FMNL2: variants seen among roughly 807,000 people sequenced by gnomAD.
FMNL2 encodes the protein formin like 2, also known as formin-like protein 2.
Under a neutral mutation model 130.2 loss-of-function variants are expected in FMNL2, and 51 were observed. That is an observed-to-expected ratio of 0.39 (90% confidence interval 0.31 to 0.49). FMNL2 has a LOEUF of 0.49. Ranked by LOEUF, FMNL2 falls within the 20% of genes least tolerant of loss-of-function variation. FMNL2 has a pLI of 0.85. For synonymous variants in FMNL2, 465 were observed against 467.1 expected, an observed-to-expected ratio of 1.00 and a Z score of 0.06; for missense variants, 977 against 1,316.2, an observed-to-expected ratio of 0.74 and a Z score of 3.99.
At chr2:152,429,991 C>T (rs1687413311) in intron 1 of FMNL2, among the ~76,000 whole-genome samples, 1 of 152,128 alleles carries the variant, frequency 6.6e-6, no homozygotes, top group Admixed American at 6.6e-5. Context: ...ACCACCATGG[C>T]ATACGTCGTT....
intron 1 of FMNL2, among the ~76,000 whole-genome samples, chr2:152,518,482 T>C (rs1369844166): frequency 1.3e-5 from 2 of 152,214 alleles, no homozygotes; most frequent in East Asian, 1.9e-4. Context: ...TCCAGAATCA[T>C]GTATCTACCT....
chr2:152,451,167 G>T (rs1415259328), intron 1 of FMNL2, among the ~76,000 whole-genome samples: 6 of 151,948 alleles, frequency 3.9e-5, no homozygotes, highest in Non-Finnish European at 7.4e-5. Flanking sequence ...TGTTGTTGTT[G>T]AGATGGAGTC....
At chr2:152,628,172 T>G in intron 17 of FMNL2, 127 bp from the exon 18 acceptor site, 4 of 778,072 alleles carry the variant, frequency 5.1e-6, no homozygotes, top group African/African-American at 1.7e-5. Flanking sequence ...CTTAGACTCG[T>G]TGATTTGGTG....
chr2:152,479,102 G>T (rs1187212314), intron 1 of FMNL2, among the ~76,000 whole-genome samples: 1 of 152,076 alleles, frequency 6.6e-6, no homozygotes, highest in Non-Finnish European at 1.5e-5. Context: ...AAGTTTTCAA[G>T]AAACAGTTTT....
chr2:152,630,812 A>T (rs1265189675), intron 20 of FMNL2, among the ~76,000 whole-genome samples: 2 of 152,170 alleles, frequency 1.3e-5, no homozygotes, highest in African/African-American at 4.8e-5. Flanking sequence ...CTGGCTGTAC[A>T]TCCCCATTTC....
intron 1 of FMNL2, among the ~76,000 whole-genome samples, chr2:152,342,972 A>G (rs1313478603): frequency 6.6e-6 from 1 of 152,256 alleles, no homozygotes; most frequent in African/African-American, 2.4e-5. Context: ...CTGGTAGGCA[A>G]TTATCACAAA....
At chr2:152,577,631 A>G (rs1696548927) in intron 7 of FMNL2, among the ~76,000 whole-genome samples, 1 of 152,174 alleles carries the variant, frequency 6.6e-6, no homozygotes, top group Non-Finnish European at 1.5e-5. Context: ...AAAATAGCCA[A>G]GTAGGAGCCA....
chr2:152,335,422 G>C lies in FMNL2; in HGVS notation c.-182G>C. 2 of 322,258 alleles carry C rather than the reference G, an allele frequency of 6.2e-6. No homozygotes were observed. Among genetic ancestry groups the C allele is most frequent in the Non-Finnish European group, 1.1e-5 (2 of 181,304 alleles). The allele number at this position is 322,258 out of a possible 1,614,324, so 20.0% of individuals were successfully genotyped here. A position where few individuals can be genotyped will look rare whatever the true frequency, so the allele number is the denominator to read the frequency against. On this transcript the variant is annotated 5_prime_UTR_variant, in exon 1 of 26. Transcript: ENST00000288670. ...CGGAGAGCATGAGGGAGGCCGGGGG[G>C]CGGCTCGGCTTGGAGCGCTGCTAGG...
intron 1 of FMNL2, among the ~76,000 whole-genome samples, chr2:152,483,902 T>C (rs1320580225): frequency 2.0e-5 from 3 of 152,224 alleles, no homozygotes; most frequent in Admixed American, 2.0e-4. Context: ...AAACAACCTA[T>C]GATCCAGGAT....
intron 1 of FMNL2, among the ~76,000 whole-genome samples, chr2:152,348,819 T>C (rs1022023845): frequency 2.7e-4 from 3 of 11,300 alleles, no homozygotes; most frequent in Non-Finnish European, 2.8e-4. Flanking sequence ...CTTCTAAGGG[T>C]TTTTTTTTTT....
chr2:152,336,587 G>T lies in FMNL2; in HGVS notation c.117+867G>T, dbSNP rs4335900. Among the ~76,000 whole-genome samples, 381 of 152,226 alleles carry T rather than the reference G, an allele frequency of 2.5e-3. 2 individuals are homozygous for T. The highest frequency in any genetic ancestry group is 8.8e-3 in the African/African-American group (364 of 41,538). On this transcript the variant is annotated intron_variant, in intron 1 of 25. Transcript: ENST00000288670. ...CCCCTCTTTCTCCCTTTCCTGCTGG[G>T]ACAGTGTCTGGGCCCCTCCCAGCCG...
chr2:152,511,947 T>C (rs921429999), intron 1 of FMNL2, among the ~76,000 whole-genome samples: 1 of 152,222 alleles, frequency 6.6e-6, no homozygotes, highest in African/African-American at 2.4e-5. Context: ...TTGAGTTTAC[T>C]CTTCAGATCT....
At position 152,528,743 on chromosome 2, in the gene FMNL2, T is replaced by G. The variant is rs147478523; in HGVS notation, c.201+6717T>G. 1.3e-3 allele frequency among the ~76,000 whole-genome samples: 203 copies of G among 152,272 alleles called. 1 individual carries two copies. Among genetic ancestry groups the G allele is most frequent in the African/African-American group, 4.5e-3 (188 of 41,546 alleles). ...CCACCATTCAACCCACTACAGACAC[T>G]AAGATGTATAATGATTCACATAGTA... On this transcript the variant is annotated intron_variant, in intron 2 of 25. Coordinates refer to ENST00000288670, the MANE Select transcript of FMNL2 (RefSeq NM_052905.4).
At chr2:152,431,674 G>A (rs185489842) in intron 1 of FMNL2, among the ~76,000 whole-genome samples, 13 of 152,244 alleles carry the variant, frequency 8.5e-5, no homozygotes, top group African/African-American at 3.1e-4. Flanking sequence ...CTGTTTTAAA[G>A]ATGAAATCTG....
At chr2:152,645,455 C>G in intron 25 of FMNL2, 1 of 1,289,812 alleles carries the variant, frequency 7.8e-7, no homozygotes, top group South Asian at 1.2e-5. Flanking sequence ...AATAATATCA[C>G]TAAATTTCCA....
At chr2:152,551,416 T>C (rs1442026851) in intron 4 of FMNL2, among the ~76,000 whole-genome samples, 2 of 152,240 alleles carry the variant, frequency 1.3e-5, no homozygotes, top group Admixed American at 6.5e-5. Context: ...AAGCTTTGGC[T>C]TTAGCAGCAG....
In FMNL2 at chr2:152,382,812, G is replaced by T. The variant is rs1579530590; in HGVS notation, c.117+47092G>T. On this transcript the variant is annotated intron_variant, in intron 1 of 25. Transcript: ENST00000288670. ...CCTCAATAAAGCTGGGGAAAAAATA[G>T]AAGTGTGTCCATAATATTCAATAAA... is the stretch of plus-strand genomic sequence containing the variant. Among the ~76,000 whole-genome samples the T allele has an allele frequency of 2.0e-5, 3 of 152,184 alleles. No individual in the cohort carries two copies. In the South Asian group the frequency reaches 6.2e-4, roughly 32 times the overall value.
chr2:152,519,308 C>T (rs1356893424), intron 1 of FMNL2, among the ~76,000 whole-genome samples: 1 of 152,192 alleles, frequency 6.6e-6, no homozygotes, highest in African/African-American at 2.4e-5. Flanking sequence ...GCTCTCTGGG[C>T]ATCGCGTCTG....
intron 9 of FMNL2, among the ~76,000 whole-genome samples, chr2:152,604,151 A>G (rs1385964284): frequency 6.6e-6 from 1 of 150,992 alleles, no homozygotes; most frequent in African/African-American, 2.4e-5. Flanking sequence ...TGTGTGTCTC[A>G]GATACTGCTG....
Sources: gnomAD v4.1 joint callset for allele counts (sites outside exome capture counted in the v4.1 genomes callset) on GRCh38, gnomAD v4.1.1 for gene constraint, MANE v1.5 for transcripts, NCBI Gene and HGNC (gene_info 2026-07-23, HGNC 2026-07-21) for gene names.